CDK2: variants seen among roughly 807,000 people sequenced by gnomAD.
CDK2 encodes the protein cyclin dependent kinase 2, also known as cyclin-dependent kinase 2.
Under a neutral mutation model 35.0 loss-of-function variants are expected in CDK2, and 8 were observed. That is an observed-to-expected ratio of 0.23 (90% confidence interval 0.13 to 0.41). CDK2 has a LOEUF of 0.41. Ranked by LOEUF, CDK2 falls within the 10% of genes least tolerant of loss-of-function variation. CDK2 has a pLI of 1.00. For synonymous variants in CDK2, 134 were observed against 137.7 expected, an observed-to-expected ratio of 0.97 and a Z score of 0.19; for missense variants, 201 against 367.1, an observed-to-expected ratio of 0.55 and a Z score of 3.70.
rs1444038949 is a variant in CDK2 at position 55,967,889 on chromosome 12, G to A, written c.149G>A (p.Arg50Gln). 6.2e-7 allele frequency: 1 copy of A among 1,614,058 alleles called. No individual in the cohort carries two copies. The highest frequency in any genetic ancestry group is 8.5e-7 in the Non-Finnish European group (1 of 1,179,982). ...ETEGVPSTAI[R>Q]EISLLKELNH... The stretch of plus-strand genomic sequence containing the variant: ...GAGGGTGTGCCCAGTACTGCCATCC[G>A]AGAGATCTCTCTGCTTAAGGAGCTT... Residue 50 changes from arginine (R) to glutamine (Q), a missense_variant, in exon 2 of 7, where the codon CGA (arginine) becomes CAA (glutamine). Coordinates refer to ENST00000266970, the MANE Select transcript of CDK2 (RefSeq NM_001798.5).
chr12:55,971,501 A>C lies in CDK2; in HGVS notation c.793-20A>C. On this transcript the variant is annotated intron_variant, in intron 6 of 6. Coordinates refer to ENST00000266970, the MANE Select transcript of CDK2 (RefSeq NM_001798.5). ...GTCCACTATCACATCATTGAAGTCA[A>C]CATGCATCTCTCCCTCTAGCAAATG... is the stretch of plus-strand genomic sequence containing the variant. 1 of 1,576,626 alleles carries C rather than the reference A, an allele frequency of 6.3e-7. No individual in the cohort carries two copies. The highest frequency in any genetic ancestry group is 8.7e-7 in the Non-Finnish European group (1 of 1,145,846).
At chr12:55,967,275 G>A (rs978095560) in intron 1 of CDK2, 151 bp downstream of exon 1, 2 of 646,746 alleles carry the variant, frequency 3.1e-6, no homozygotes, top group Admixed American at 2.4e-5. Context: ...CCAGTAGAAG[G>A]TGAAGAGTAT....
rs543506821 is a variant in CDK2 at position 55,972,647 on chromosome 12, T to G, written c.*1022T>G. ...TGTTGCCATGTGCACCTTGGGGTTT[T>G]GTAATGACAGTGCTAAAAAAAAAAA... On this transcript the variant is annotated 3_prime_UTR_variant, in exon 7 of 7. Coordinates refer to ENST00000266970, the MANE Select transcript of CDK2 (RefSeq NM_001798.5). The G allele has an allele frequency of 6.6e-5, 10 of 150,604 alleles. No individual in the cohort carries two copies. The highest frequency in any genetic ancestry group is 2.4e-4 in the African/African-American group (10 of 41,056). 9.3% of individuals were successfully genotyped at this position (150,604 alleles called of 1,614,324 possible).
chr12:55,971,696 G>A lies in CDK2; in HGVS notation c.*71G>A. 2.5e-6 allele frequency: 3 copies of A among 1,178,166 alleles called. No homozygotes were observed. The South Asian group carries it at 3.8e-5, about 15-fold the overall frequency. The allele number at this position is 1,178,166 out of a possible 1,614,324, so 73.0% of individuals were successfully genotyped here. Reference sequence around the variant, plus strand: ...TGTGGGCTTGACCAGGCTTGGCCTTGGGCTATTTGGACTCAGGTGGGCCCT... The same window carrying A: ...TGTGGGCTTGACCAGGCTTGGCCTTAGGCTATTTGGACTCAGGTGGGCCCT... On this transcript the variant is annotated 3_prime_UTR_variant, in exon 7 of 7. Transcript: ENST00000266970.
At chr12:55,968,286 C>A in intron 3 of CDK2, 117 bp downstream of exon 3, 1 of 952,452 alleles carries the variant, frequency 1.0e-6, no homozygotes, top group Non-Finnish European at 1.6e-6. Flanking sequence ...CTCCTATACA[C>A]ACACACTCCC....
In CDK2 at chr12:55,966,911, G is replaced by T. The variant is rs1261235112; in HGVS notation, c.-98G>T. On this transcript the variant is annotated 5_prime_UTR_variant, in exon 1 of 7. Coordinates refer to ENST00000266970, the MANE Select transcript of CDK2 (RefSeq NM_001798.5). ...ACCCGGGGCCACGGTACTGGGCCCT[G>T]TTTCCCCCTCCTCGGCCCCCGAGAG... 26 of 1,058,836 alleles carry T rather than the reference G, an allele frequency of 2.5e-5. 1 individual carries two copies. The Admixed American group carries it at 5.0e-4, about 21-fold the overall frequency. The allele number at this position is 1,058,836 out of a possible 1,614,324, so 65.6% of individuals were successfully genotyped here.
In CDK2 at chr12:55,966,919, CT is replaced by C. The variant is rs1269759166; in HGVS notation, c.-89del. On this transcript the variant is annotated 5_prime_UTR_variant, in exon 1 of 7. Coordinates refer to ENST00000266970, the MANE Select transcript of CDK2 (RefSeq NM_001798.5). ...CCACGGTACTGGGCCCTGTTTCCCCCTCCTCGGCCCCCGAGAGCCAGGGTCC... is the reference window on the plus strand; with the variant it reads ...CCACGGTACTGGGCCCTGTTTCCCCCCCTCGGCCCCCGAGAGCCAGGGTCC... The C allele has an allele frequency of 5.4e-6, 6 of 1,110,512 alleles. No homozygotes were observed. Among genetic ancestry groups the C allele is most frequent in the Non-Finnish European group, 6.6e-6 (5 of 757,470 alleles). The allele number at this position is 1,110,512 out of a possible 1,614,324, so 68.8% of individuals were successfully genotyped here. A position where few individuals can be genotyped will look rare whatever the true frequency, so the allele number is the denominator to read the frequency against.
At position 55,971,578 on chromosome 12, in the gene CDK2, C is replaced by A; in HGVS notation, c.850C>A (p.Pro284Thr). 1 of 1,614,156 alleles carries A rather than the reference C, an allele frequency of 6.2e-7. No individual in the cohort carries two copies. ...RISAKAALAH[P>T]FFQDVTKPVP... ...TTCGGCCAAGGCAGCCCTGGCTCAC[C>A]CTTTCTTCCAGGATGTGACCAAGCC... is the stretch of plus-strand genomic sequence containing the variant. The change falls in exon 7 of 7, where the codon CCT (proline) becomes ACT (threonine). Residue 284 changes from proline to threonine, a missense_variant. Pro to Thr is a conservative substitution (Grantham distance 38, BLOSUM62 -1). Around this residue, in one of 5 missense-constraint regions of CDK2, gnomAD observed 106 missense variants for 141.3 expected, o/e 0.75. Coordinates refer to ENST00000266970, the MANE Select transcript of CDK2 (RefSeq NM_001798.5).
rs561025822 is a variant in CDK2 at position 55,971,980 on chromosome 12, G to T, written c.*355G>T. ...CCCATAATTATTATTTCCAGTGTTT[G>T]GGATGACCAGGATCCCAAGCCTCCT... is the stretch of plus-strand genomic sequence containing the variant. On this transcript the variant is annotated 3_prime_UTR_variant, in exon 7 of 7. Transcript: ENST00000266970. 1 of 198,550 alleles carries T rather than the reference G, an allele frequency of 5.0e-6. No individual in the cohort carries two copies. Among genetic ancestry groups the T allele is most frequent in the East Asian group, 1.3e-4 (1 of 7,674 alleles). 12.3% of individuals were successfully genotyped at this position (198,550 alleles called of 1,614,324 possible).
At chr12:55,968,578 G>T (rs1198640220) in intron 3 of CDK2, among the ~76,000 whole-genome samples, 200 bp from the exon 4 acceptor site, 1 of 152,058 alleles carries the variant, frequency 6.6e-6, no homozygotes, top group Non-Finnish European at 1.5e-5. Flanking sequence ...CAATGCACAG[G>T]ATGTAGAAAA....
chr12:55,967,188 CCA>C (rs1411665490), intron 1 of CDK2, 64 bp downstream of exon 1: 38 of 1,281,842 alleles, frequency 3.0e-5, no homozygotes, highest in Non-Finnish European at 3.6e-5. Flanking sequence ...CCCCAACCCC[CCA>C]CGGGCGGGTA....
At position 55,968,186 on chromosome 12, in the gene CDK2, G is replaced by C. The variant is rs1889384216; in HGVS notation, c.315+17G>C. ...CTCATCAAGGTAATGCTTCTCATCA[G>C]CTCCTCTCATCATGGGCATGTCTTG... On this transcript the variant is annotated intron_variant, in intron 3 of 6. Coordinates refer to ENST00000266970, the MANE Select transcript of CDK2 (RefSeq NM_001798.5). 2.5e-6 allele frequency: 4 copies of C among 1,613,516 alleles called. No homozygotes were observed. The highest frequency in any genetic ancestry group is 2.2e-5 in the South Asian group (2 of 91,070).
At chr12:55,967,754 G>A (rs1565780446) in intron 1 of CDK2, 103 bp from the exon 2 acceptor site, 1 of 906,396 alleles carries the variant, frequency 1.1e-6, no homozygotes, top group South Asian at 1.4e-5. Context: ...ACTTTCCTAG[G>A]GGGTGCTGGG....
chr12:55,968,381 T>G, intron 3 of CDK2: 1 of 555,540 alleles, frequency 1.8e-6, no homozygotes, highest in Non-Finnish European at 3.1e-6. Flanking sequence ...CTCTAGTGAG[T>G]CAACCTAGCA....
intron 1 of CDK2, 196 bp from the exon 2 acceptor site, chr12:55,967,658 AGAG>A (rs1889363851): frequency 8.7e-6 from 5 of 577,722 alleles, no homozygotes; most frequent in South Asian, 6.4e-5. Context: ...CCCTGGGAAA[AGAG>A]GAGATAATGG....
Position 55,966,867 on chromosome 12 carries a change from T to G in CDK2, c.-142T>G. On this transcript the variant is annotated 5_prime_UTR_variant, in exon 1 of 7. Coordinates refer to ENST00000266970, the MANE Select transcript of CDK2 (RefSeq NM_001798.5). Reference sequence around the variant, plus strand: ...TGGCCAAATTGACAAGAGCGAGAGGTATACTGCGTTCCATCCCGACCCGGG... The same window carrying G: ...TGGCCAAATTGACAAGAGCGAGAGGGATACTGCGTTCCATCCCGACCCGGG... The G allele has an allele frequency of 1.2e-6, 1 of 851,010 alleles. No individual in the cohort carries two copies. Among genetic ancestry groups the G allele is most frequent in the African/African-American group, 1.7e-5 (1 of 58,480 alleles). The allele number at this position is 851,010 out of a possible 1,614,324, so 52.7% of individuals were successfully genotyped here.
rs1008008049 is a variant in CDK2, at chr12:55,966,885, G to A, written c.-124G>A. ...CGAGAGGTATACTGCGTTCCATCCC[G>A]ACCCGGGGCCACGGTACTGGGCCCT... On this transcript the variant is annotated 5_prime_UTR_variant, in exon 1 of 7. Transcript: ENST00000266970. The A allele has an allele frequency of 2.2e-6, 2 of 921,560 alleles. No homozygotes were observed. The highest frequency in any genetic ancestry group is 3.3e-6 in the Non-Finnish European group (2 of 610,920). The allele number at this position is 921,560 out of a possible 1,614,324, so 57.1% of individuals were successfully genotyped here.
chr12:55,968,691 G>A, intron 3 of CDK2, 87 bp from the exon 4 acceptor site: 1 of 964,036 alleles, frequency 1.0e-6, no homozygotes, highest in Non-Finnish European at 1.5e-6. Context: ...ACATAATAAA[G>A]GCTTTAGTAG....
intron 5 of CDK2, 61 bp from the exon 6 acceptor site, chr12:55,970,983 A>G (rs751939690): frequency 6.3e-6 from 9 of 1,432,610 alleles, no homozygotes; most frequent in Non-Finnish European, 7.9e-6. Flanking sequence ...TCCTTTGTAT[A>G]GAGGAGAGTT....
Sources: allele counts gnomAD v4.1 joint callset (sites outside exome capture counted in the v4.1 genomes callset), GRCh38; gene constraint gnomAD v4.1.1; regional missense constraint gnomAD v4.1.1; transcripts MANE v1.5; gene names NCBI Gene and HGNC (gene_info 2026-07-23, HGNC 2026-07-21).